MCC: variants seen among roughly 807,000 people sequenced by gnomAD.
The protein encoded by MCC is MCC regulator of Wnt signaling pathway, also known as colorectal mutant cancer protein.
In MCC, 90 loss-of-function variants were observed where a neutral mutation model predicts 116.2. The ratio of observed to expected loss-of-function variants is 0.77; its 90% CI spans 0.65 to 0.92. MCC has a LOEUF of 0.92. Ranked by LOEUF, MCC falls within the 40% of genes least tolerant of loss-of-function variation. The pLI is 0.00. For synonymous variants in MCC, 578 were observed against 510.5 expected, an observed-to-expected ratio of 1.13 and a Z score of -1.78; for missense variants, 1,516 against 1,312.2, an observed-to-expected ratio of 1.16 and a Z score of -2.40.
chr5:113,407,601 T>C (rs1467703315), intron 1 of MCC, among the ~76,000 whole-genome samples: 5 of 152,224 alleles, frequency 3.3e-5, no homozygotes, highest in Non-Finnish European at 7.3e-5. Context: ...AAGTTATCTC[T>C]GCATTCATTT....
chr5:113,420,164 ATAAGATTAAATATAAAAATCTTATAT>A (rs1423264945), intron 1 of MCC, among the ~76,000 whole-genome samples: 1 of 140,836 alleles, frequency 7.1e-6, no homozygotes, highest in Non-Finnish European at 1.6e-5. Flanking sequence ...AAGATTAAAT[ATAAGATTAAATATAAAAATCTTATAT>A]TAAGATTAAA....
chr5:113,328,459 T>C (rs1767619958), intron 3 of MCC, among the ~76,000 whole-genome samples: 1 of 152,196 alleles, frequency 6.6e-6, no homozygotes, highest in African/African-American at 2.4e-5. Context: ...GAGAAGTTAA[T>C]GTGGGATCCA....
chr5:113,225,218 T>C (rs948794649), intron 3 of MCC, among the ~76,000 whole-genome samples: 2 of 152,246 alleles, frequency 1.3e-5, no homozygotes, highest in African/African-American at 2.4e-5. Context: ...ATGACACTTA[T>C]GTGTTTTCCT....
chr5:113,483,330 C>T (rs348963), intron 1 of MCC, among the ~76,000 whole-genome samples: 47,182 of 152,064 alleles, frequency 0.31, 7,746 homozygotes, highest in African/African-American at 0.36. Flanking sequence ...CTGAGAAGGA[C>T]TGCATTGATT....
In MCC at chr5:113,092,685, A is replaced by C. The variant is rs143730480; in HGVS notation, c.1399-7375T>G. Among the ~76,000 whole-genome samples, 16 of 152,348 alleles carry C rather than the reference A, an allele frequency of 1.1e-4. No homozygotes were observed. The East Asian group carries it at 3.1e-3, about 29-fold the overall frequency. On this transcript the variant is annotated intron_variant, in intron 8 of 18. Transcript: ENST00000408903. The stretch of plus-strand genomic sequence containing the variant: ...AATTAAACCTGAGAAAAAGAATGAG[A>C]TGAAAGAAACAATGAAAGTACAAGA...
At chr5:113,217,237 T>C (rs951073713) in intron 3 of MCC, among the ~76,000 whole-genome samples, 2 of 152,178 alleles carry the variant, frequency 1.3e-5, no homozygotes, top group African/African-American at 4.8e-5. Context: ...AAAGATTCAT[T>C]GGTTAAAAAG....
chr5:113,384,697 T>C (rs7729269), intron 2 of MCC, among the ~76,000 whole-genome samples: 26,216 of 152,296 alleles, frequency 0.17, 2,477 homozygotes, highest in Non-Finnish European at 0.22. Flanking sequence ...CTTATGCATT[T>C]GCCCTTCTTC....
intron 3 of MCC, chr5:113,323,317 G>A (rs537637157): frequency 4.6e-5 from 7 of 152,352 alleles, no homozygotes; most frequent in African/African-American, 1.7e-4. Flanking sequence ...TAAGGTTTGG[G>A]GTAATTTGCT....
intron 5 of MCC, among the ~76,000 whole-genome samples, chr5:113,126,964 A>G (rs1758089875): frequency 6.6e-6 from 1 of 152,090 alleles, no homozygotes. Context: ...TGTACAGATT[A>G]TTTCATCACC....
chr5:113,414,709 C>G (rs1770094723), intron 1 of MCC, among the ~76,000 whole-genome samples: 1 of 152,164 alleles, frequency 6.6e-6, no homozygotes, highest in African/African-American at 2.4e-5. Context: ...TGGGTCTTGA[C>G]TCTTTATCCA....
At chr5:113,355,146 TG>T (rs1456931184) in intron 2 of MCC, among the ~76,000 whole-genome samples, 1 of 152,126 alleles carries the variant, frequency 6.6e-6, no homozygotes, top group Non-Finnish European at 1.5e-5. Context: ...TAAAAATAAA[TG>T]CTGACCAACC....
At chr5:113,253,096 A>G (rs1173607085) in intron 3 of MCC, among the ~76,000 whole-genome samples, 3 of 152,188 alleles carry the variant, frequency 2.0e-5, no homozygotes, top group Non-Finnish European at 4.4e-5. Context: ...TCCCTACCCC[A>G]ACCCACTGGG....
At chr5:113,093,093 C>A (rs1755758705) in intron 8 of MCC, among the ~76,000 whole-genome samples, 1 of 152,128 alleles carries the variant, frequency 6.6e-6, no homozygotes, top group Non-Finnish European at 1.5e-5. Flanking sequence ...GAGAAGGCGA[C>A]AGCAGAGTAA....
rs1397621955 is a variant in MCC at position 113,022,182 on chromosome 5, T to A, written c.*5120A>T. 6.6e-6 allele frequency: 1 copy of A among 152,336 alleles called. No homozygotes were observed. The highest frequency in any genetic ancestry group is 1.5e-5 in the Non-Finnish European group (1 of 67,990). The allele number at this position is 152,336 out of a possible 1,614,324, so 9.4% of individuals were successfully genotyped here. A position where few individuals can be genotyped will look rare whatever the true frequency, so the allele number is the denominator to read the frequency against. ...AATGTCTCTGTATAAATAAATGGAG[T>A]TTTTAAAAAACAATTCTATATCAAA... On this transcript the variant is annotated 3_prime_UTR_variant, in exon 19 of 19. Coordinates refer to ENST00000408903, the MANE Select transcript of MCC (RefSeq NM_001085377.2).
intron 5 of MCC, among the ~76,000 whole-genome samples, chr5:113,125,325 G>A (rs1757981516): frequency 6.6e-6 from 1 of 152,108 alleles, no homozygotes; most frequent in Non-Finnish European, 1.5e-5. Flanking sequence ...ATCATTATAA[G>A]TATTCTAGAA....
At chr5:113,181,309 G>C (rs1357020045) in intron 3 of MCC, among the ~76,000 whole-genome samples, 1 of 152,220 alleles carries the variant, frequency 6.6e-6, no homozygotes, top group Non-Finnish European at 1.5e-5. Flanking sequence ...TACCAGCCTT[G>C]AAATGTACTG....
intron 3 of MCC, among the ~76,000 whole-genome samples, chr5:113,223,884 C>A (rs892854884): frequency 6.6e-6 from 1 of 152,080 alleles, no homozygotes; most frequent in South Asian, 2.1e-4. Flanking sequence ...TCCCCACAAA[C>A]CTTCTGTTCC....
At chr5:113,339,313 A>G (rs924242807) in intron 3 of MCC, among the ~76,000 whole-genome samples, 1 of 152,094 alleles carries the variant, frequency 6.6e-6, no homozygotes, top group Non-Finnish European at 1.5e-5. Flanking sequence ...TTTCCTACTT[A>G]TTAACATCTT....
intron 1 of MCC, among the ~76,000 whole-genome samples, chr5:113,454,439 T>C (rs1296524284): frequency 1.3e-5 from 2 of 152,184 alleles, no homozygotes; most frequent in Non-Finnish European, 2.9e-5. Context: ...AGTAAGTTTG[T>C]AGCAGAATTG....
Sources: gnomAD v4.1 joint callset for allele counts (sites outside exome capture counted in the v4.1 genomes callset) on GRCh38, gnomAD v4.1.1 for gene constraint, MANE v1.5 for transcripts, NCBI Gene and HGNC (gene_info 2026-07-23, HGNC 2026-07-21) for gene names.